Variants in IGF2 observed in about 807,000 individuals in gnomAD.
IGF2 encodes the protein insulin-like growth factor 2.
In IGF2, 2 loss-of-function variants were observed where a neutral mutation model predicts 12.0. The ratio of observed to expected loss-of-function variants is 0.17; its 90% CI spans 0.07 to 0.52. IGF2 has a LOEUF of 0.52. Among genes scored for constraint, IGF2 ranks in the 20% least tolerant of loss-of-function variants. The pLI is 0.95. For missense variants in IGF2, 211 were observed against 268.0 expected, an observed-to-expected ratio of 0.79 and a Z score of 1.48; for synonymous variants, 105 against 110.1, an observed-to-expected ratio of 0.95 and a Z score of 0.29.
At chr11:2,140,489 T>G (rs1859493936), upstream of IGF2, 1 of 557,094 alleles carries the variant, frequency 1.8e-6, no homozygotes, top group Admixed American at 3.8e-5. Context: ...TCGCCCGCGC[T>G]CCGCGCGCGC....
chr11:2,140,406 G>T, upstream of IGF2: 1 of 1,058,118 alleles, frequency 9.5e-7, no homozygotes, highest in Non-Finnish European at 1.3e-6. Flanking sequence ...GCCTAGCCAA[G>T]GGGAAGGGGC....
chr11:2,139,445 C>T (rs1590128583), upstream of IGF2: 1 of 146,824 alleles, frequency 6.8e-6, no homozygotes, highest in African/African-American at 2.5e-5. Context: ...CGGCCCAGGG[C>T]CCGCGCGGGC....
upstream of IGF2, among the ~76,000 whole-genome samples, chr11:2,146,042 C>A (rs1254811524): frequency 6.6e-6 from 1 of 152,114 alleles, no homozygotes; most frequent in African/African-American, 2.4e-5. Flanking sequence ...CGCCCCCCAG[C>A]CCTGAACCAG....
chr11:2,134,261 T>C, intron 2 of IGF2: 1 of 417,626 alleles, frequency 2.4e-6, no homozygotes, highest in African/African-American at 2.2e-5. Context: ...GGGCTCCACC[T>C]TGGGGTGCCA....
chr11:2,149,434 G>A, the IGF2 span: 2 of 1,104,220 alleles, frequency 1.8e-6, no homozygotes, highest in Non-Finnish European at 2.7e-6. Flanking sequence ...CATGGCACCT[G>A]CTCAAATGCC....
the IGF2 span, chr11:2,148,278 T>C: frequency 1.3e-5 from 2 of 155,742 alleles, no homozygotes; most frequent in African/African-American, 2.4e-5. The surrounding 1 kb of genome is among the most constrained non-coding windows in gnomAD (Gnocchi z 4.3). Context: ...ACGAGGCCAG[T>C]GAGGGACGGC....
rs1156674702 is a variant in IGF2 at position 2,133,468 on chromosome 11, C to T, written c.306+49G>A. ...CACAGGAAACGCTGGGCGCCCGAAG[C>T]CCTATTTCTCTGTCTCTAGAGAGTG... On this transcript the variant is annotated intron_variant, in intron 3 of 3. Coordinates refer to ENST00000416167, the MANE Select transcript of IGF2 (RefSeq NM_000612.6). This position sits in a 1 kb window ranked among gnomAD's most constrained non-coding sequence, Gnocchi z 8.9. 5.8e-6 allele frequency: 9 copies of T among 1,554,178 alleles called. No individual in the cohort carries two copies. The Middle Eastern group carries it at 6.9e-4, about 119-fold the overall frequency.
rs1286600524 is a variant in IGF2, at chr11:2,133,681, CACAG to C, written c.158-20_158-17del. On this transcript the variant is annotated splice_polypyrimidine_tract_variant and intron_variant, in intron 2 of 3. Transcript: ENST00000416167. The surrounding 1 kb of genome is among the most constrained non-coding windows in gnomAD (Gnocchi z 8.9). Reference sequence around the variant, plus strand: ...GCGGGCCTGCCTGGAAGTCCCACAGCACAGAGAGAGCCGTGTTAGCACCGCACTG... The same window carrying C: ...GCGGGCCTGCCTGGAAGTCCCACAGCAGAGAGCCGTGTTAGCACCGCACTG... The C allele has an allele frequency of 6.2e-7, 1 of 1,612,464 alleles. No individual in the cohort carries two copies.
rs1858941357 is a variant in IGF2, at chr11:2,135,479, G to A, written c.45C>T (p.Phe15=). 1.2e-6 allele frequency: 2 copies of A among 1,613,764 alleles called. No homozygotes were observed. Among genetic ancestry groups the A allele is most frequent in the East Asian group, 4.5e-5 (2 of 44,872 alleles). Residue 15 remains phenylalanine (F), a synonymous_variant, in exon 2 of 4, where the codon TTC becomes TTT. Transcript: ENST00000416167. The part of the protein sequence containing the change: ...MGKSMLVLLT[F]LAFASCCIAA... Reference sequence around the variant, plus strand: ...CAATGCAGCACGAGGCGAAGGCCAAGAAGGTGAGAAGCACCAGCATCGACT... The same window carrying A: ...CAATGCAGCACGAGGCGAAGGCCAAAAAGGTGAGAAGCACCAGCATCGACT...
chr11:2,138,900 G>C lies in IGF2; in HGVS notation c.-678C>G. On this transcript the variant is annotated 5_prime_UTR_variant, in exon 1 of 4. Coordinates refer to ENST00000416167, the MANE Select transcript of IGF2 (RefSeq NM_000612.6). Reference sequence around the variant, plus strand: ...GCGGAGTGGAGGCTGCACCCGGACCGCGGGCGCCCAGCTCGGTTTGGGCCG... The same window carrying C: ...GCGGAGTGGAGGCTGCACCCGGACCCCGGGCGCCCAGCTCGGTTTGGGCCG... The C allele has an allele frequency of 1.0e-6, 1 of 984,912 alleles. No individual in the cohort carries two copies. The highest frequency in any genetic ancestry group is 1.2e-6 in the Non-Finnish European group (1 of 829,612). 61.0% of individuals were successfully genotyped at this position (984,912 alleles called of 1,614,324 possible). A position where few individuals can be genotyped will look rare whatever the true frequency, so the allele number is the denominator to read the frequency against.
chr11:2,138,671 T>C lies in IGF2; in HGVS notation c.-449A>G. Reference sequence around the variant, plus strand: ...AACAGAAAGCGTGTAATTAATCCACTTTGGTTCGGCGAAGGCGAGAGGGCG... The same window carrying C: ...AACAGAAAGCGTGTAATTAATCCACCTTGGTTCGGCGAAGGCGAGAGGGCG... On this transcript the variant is annotated 5_prime_UTR_variant, in exon 1 of 4. Coordinates refer to ENST00000416167, the MANE Select transcript of IGF2 (RefSeq NM_000612.6). The C allele has an allele frequency of 1.0e-6, 1 of 966,960 alleles. No individual in the cohort carries two copies. The highest frequency in any genetic ancestry group is 1.9e-5 in the African/African-American group (1 of 51,488). The allele number at this position is 966,960 out of a possible 1,614,324, so 59.9% of individuals were successfully genotyped here. A position where few individuals can be genotyped will look rare whatever the true frequency, so the allele number is the denominator to read the frequency against.
upstream of IGF2, among the ~76,000 whole-genome samples, chr11:2,143,571 C>A (rs546505775): frequency 1.3e-5 from 2 of 152,036 alleles, no homozygotes; most frequent in East Asian, 3.9e-4. Flanking sequence ...TTAGGGAAGC[C>A]GGGTTAGTGG....
At position 2,133,576 on chromosome 11, in the gene IGF2, A is replaced by T; in HGVS notation, c.247T>A (p.Tyr83Asn). 1.2e-6 allele frequency: 2 copies of T among 1,613,026 alleles called. No homozygotes were observed. Among genetic ancestry groups the T allele is most frequent in the Non-Finnish European group, 1.7e-6 (2 of 1,179,982 alleles). ...TCGGACTTGGCGGGGGTAGCACAGT[A>T]CGTCTCCAGGAGGGCCAGGTCACAG... ...RSCDLALLET[Y>N]CATPAKSERD... The change falls in exon 3 of 4, where the codon TAC (tyrosine) becomes AAC (asparagine). Residue 83 changes from tyrosine (Y) to asparagine (N), a missense_variant. Physicochemically the swap from Tyr to Asn is moderately radical, Grantham distance 143. Transcript: ENST00000416167. This position sits in a 1 kb window ranked among gnomAD's most constrained non-coding sequence, Gnocchi z 8.9.
At chr11:2,136,035 G>C (rs1161724669) in intron 1 of IGF2, among the ~76,000 whole-genome samples, 1 of 152,104 alleles carries the variant, frequency 6.6e-6, no homozygotes, top group Non-Finnish European at 1.5e-5. Context: ...ACAACCCCCA[G>C]CTGAGCAGGG....
At chr11:2,149,364 CTTTTAGAGTGTGCAT>C in the IGF2 span, 1 of 1,600,964 alleles carries the variant, frequency 6.2e-7, no homozygotes. Flanking sequence ...ACGAAGGGCA[CTTTTAGAGTGTGCAT>C]GTTAATACGG....
At position 2,133,143 on chromosome 11, in the gene IGF2, G is replaced by A; in HGVS notation, c.387C>T (p.Gly129=). ...GGCGGGCACGCAGGAGGGCAGGCAG[G>A]CCCCTGCGCAGGCGCTGGGTGGACT... The part of the protein sequence containing the change: ...WKQSTQRLRR[G]LPALLRARRG... Residue 129 remains glycine (G), a synonymous_variant, in exon 4 of 4, where the codon GGC becomes GGT. Coordinates refer to ENST00000416167, the MANE Select transcript of IGF2 (RefSeq NM_000612.6). This position sits in a 1 kb window ranked among gnomAD's most constrained non-coding sequence, Gnocchi z 8.9. 6.2e-7 allele frequency: 1 copy of A among 1,602,342 alleles called. No individual in the cohort carries two copies. The highest frequency in any genetic ancestry group is 8.5e-7 in the Non-Finnish European group (1 of 1,173,774).
upstream of IGF2, chr11:2,140,876 T>C: frequency 2.7e-6 from 1 of 366,004 alleles, no homozygotes; most frequent in Non-Finnish European, 5.3e-6. Flanking sequence ...GGAGGCTGCG[T>C]CCGCGGGCGC....
upstream of IGF2, among the ~76,000 whole-genome samples, chr11:2,143,296 A>T (rs61872712): frequency 7.0e-5 from 8 of 114,402 alleles, no homozygotes; most frequent in Admixed American, 2.8e-4. Context: ...GTGTGAATAG[A>T]TTTGCGGGAC....
At chr11:2,134,990 C>A (rs1288306354) in intron 2 of IGF2, among the ~76,000 whole-genome samples, 1 of 152,204 alleles carries the variant, frequency 6.6e-6, no homozygotes, top group Non-Finnish European at 1.5e-5. Flanking sequence ...TCAGAATGTC[C>A]AAAAGGTGCA....
Sources: allele counts gnomAD v4.1 joint callset (sites outside exome capture counted in the v4.1 genomes callset), GRCh38; gene constraint gnomAD v4.1.1; non-coding constraint Gnocchi (gnomAD v3.1); transcripts MANE v1.5; gene names NCBI Gene and HGNC (gene_info 2026-07-23, HGNC 2026-07-21).